The following RELN variants were observed in gnomAD, a reference collection of about 807,000 sequenced individuals.
RELN encodes the protein reelin.
RELN carries 108 observed loss-of-function variants against 427.6 expected under a neutral mutation model. The observed-to-expected ratio is 0.25, with a 90% CI of 0.22 to 0.30. RELN has a LOEUF of 0.30. RELN is among the 10% of genes least tolerant of loss of function. The probability of loss-of-function intolerance (pLI) is 1.00; values close to 1 mark genes in which losing one functional copy is unlikely to be tolerated. For synonymous variants in RELN, 1,524 were observed against 1,513.4 expected, an observed-to-expected ratio of 1.01 and a Z score of -0.16; for missense variants, 3,715 against 4,302.8, an observed-to-expected ratio of 0.86 and a Z score of 3.82.
chr7:103,510,739 C>T, intron 51 of RELN, 112 bp downstream of exon 51: 1 of 866,144 alleles, frequency 1.2e-6, no homozygotes, highest in Non-Finnish European at 1.9e-6. Context: ...GTAAATTTTA[C>T]TTTTCAAAGT....
intron 3 of RELN, among the ~76,000 whole-genome samples, chr7:103,832,554 G>T (rs1188363250): frequency 6.6e-6 from 1 of 152,192 alleles, no homozygotes; most frequent in African/African-American, 2.4e-5. Context: ...GTTTAAAAAT[G>T]CTATGGGTGG....
intron 28 of RELN, among the ~76,000 whole-genome samples, chr7:103,586,057 A>T (rs959572825): frequency 4.6e-5 from 7 of 152,298 alleles, no homozygotes; most frequent in Middle Eastern, 6.8e-3. Context: ...GCATCAAAGC[A>T]ACACACCTCA....
intron 28 of RELN, 52 bp from the exon 29 acceptor site, chr7:103,575,757 G>A (rs772376214): frequency 6.3e-7 from 1 of 1,598,628 alleles, no homozygotes; most frequent in Admixed American, 1.7e-5. Context: ...TCATATCAAA[G>A]CATTGGAATA....
chr7:103,776,546 G>A lies in RELN; in HGVS notation c.544+11C>T. On this transcript the variant is annotated intron_variant, in intron 4 of 64. Transcript: ENST00000428762. The stretch of plus-strand genomic sequence containing the variant: ...TGGACATAACACAAACAAATCAAAT[G>A]TGACGCTTACCTCCTTGTTCACACA... 1.2e-6 allele frequency: 2 copies of A among 1,613,908 alleles called. No individual in the cohort carries two copies. The highest frequency in any genetic ancestry group is 1.7e-6 in the Non-Finnish European group (2 of 1,179,796).
intron 2 of RELN, among the ~76,000 whole-genome samples, chr7:103,866,814 A>C (rs1316288600): frequency 6.6e-6 from 1 of 152,052 alleles, no homozygotes; most frequent in Non-Finnish European, 1.5e-5. Context: ...TTTTCTTTAC[A>C]TCATCCAGTG....
Position 103,886,751 on chromosome 7 carries a change from A to C in RELN, c.337+30324T>G, listed in dbSNP as rs17157010. On this transcript the variant is annotated intron_variant, in intron 2 of 64. Coordinates refer to ENST00000428762, the MANE Select transcript of RELN (RefSeq NM_005045.4). ...AATGAAATGTCATATTTTCCAGCCA[A>C]TGTAAGAATGTATCTCATGGCCAAT... 4.0e-3 allele frequency among the ~76,000 whole-genome samples: 602 copies of C among 152,304 alleles called. 23 individuals carry two copies. The East Asian group carries it at 0.072, about 18-fold the overall frequency.
At chr7:103,757,733 G>A (rs189013881) in intron 4 of RELN, among the ~76,000 whole-genome samples, 1 of 152,146 alleles carries the variant, frequency 6.6e-6, no homozygotes, top group Non-Finnish European at 1.5e-5. Flanking sequence ...CACAGAGGGA[G>A]ATGCACTAGG....
At chr7:103,801,682 A>C (rs1475050649) in intron 3 of RELN, among the ~76,000 whole-genome samples, 1 of 152,048 alleles carries the variant, frequency 6.6e-6, no homozygotes. Flanking sequence ...ATACCTATGT[A>C]ACGAGCCTGC....
At chr7:103,511,948 T>G (rs892160760) in intron 50 of RELN, among the ~76,000 whole-genome samples, 2 of 152,218 alleles carry the variant, frequency 1.3e-5, no homozygotes, top group Admixed American at 1.3e-4. Flanking sequence ...GATCCATCAC[T>G]TCCAAAAATT....
chr7:103,773,418 CCTCG>C (rs1563004895), intron 4 of RELN, among the ~76,000 whole-genome samples: 1 of 58,230 alleles, frequency 1.7e-5, no homozygotes, highest in African/African-American at 9.3e-5. Context: ...TCTCTCTCTC[CCTCG>C]CTCCCTCTCT....
At chr7:103,683,391 AAAG>A (rs1199193277) in intron 10 of RELN, among the ~76,000 whole-genome samples, 2 of 152,224 alleles carry the variant, frequency 1.3e-5, no homozygotes, top group African/African-American at 2.4e-5. Context: ...TATATTTTTA[AAAG>A]AAGATAAATT....
chr7:103,485,177 GT>G (rs1828386591), intron 61 of RELN, among the ~76,000 whole-genome samples: 1 of 131,370 alleles, frequency 7.6e-6, no homozygotes, highest in Non-Finnish European at 1.6e-5. Flanking sequence ...ATATGATGAT[GT>G]TACAGAAAAC....
chr7:103,741,355 C>A (rs1017674876), intron 6 of RELN, among the ~76,000 whole-genome samples: 10 of 151,926 alleles, frequency 6.6e-5, no homozygotes, highest in Admixed American at 4.6e-4. Context: ...CTATTTTCAT[C>A]AATATATATT....
chr7:103,603,319 A>C lies in RELN; in HGVS notation c.3318T>G (p.Ser1106=), dbSNP rs1831722860. ...TTGGTCATACCTTGCTGAAGTACAG[A>C]GATGATCCAGAAGAGATGACACCAC... is the stretch of plus-strand genomic sequence containing the variant. ...QGCGVISSGS[S]LYFSKAGKRQ... The change falls in exon 24 of 65, where the codon TCT becomes TCG. Residue 1106 remains serine, a synonymous_variant. Coordinates refer to ENST00000428762, the MANE Select transcript of RELN (RefSeq NM_005045.4). This position sits in a 1 kb window ranked among gnomAD's most constrained non-coding sequence, Gnocchi z 4.3. 6.2e-7 allele frequency: 1 copy of C among 1,613,744 alleles called. No homozygotes were observed. Among genetic ancestry groups the C allele is most frequent in the African/African-American group, 1.3e-5 (1 of 75,014 alleles).
chr7:103,521,945 A>G, intron 48 of RELN, 77 bp downstream of exon 48: 1 of 1,464,002 alleles, frequency 6.8e-7, no homozygotes, highest in Non-Finnish European at 9.6e-7. Flanking sequence ...TTTGCCCATT[A>G]AACTTCAGAA....
chr7:103,554,239 A>T (rs575252510), intron 38 of RELN, among the ~76,000 whole-genome samples: 1 of 88,628 alleles, frequency 1.1e-5, no homozygotes, highest in African/African-American at 3.9e-5. Context: ...TTTCTGGGGG[A>T]AAAAAAAAAC....
intron 16 of RELN, among the ~76,000 whole-genome samples, chr7:103,648,454 G>A (rs1832842010): frequency 6.6e-6 from 1 of 152,034 alleles, no homozygotes. Context: ...CCAGTCTCAG[G>A]TAGTTCTTTA....
intron 2 of RELN, among the ~76,000 whole-genome samples, chr7:103,835,359 C>T (rs77650558): frequency 0.035 from 5,395 of 152,176 alleles, 93 homozygotes; most frequent in Middle Eastern, 0.078. Flanking sequence ...TGTATGATAC[C>T]GTATGGTGGA....
rs1329277315 is a variant in RELN at position 103,755,587 on chromosome 7, G to T, written c.545-2373C>A. ...CGCGCCACCGCACTCCAGCCTGGGG[G>T]ACAGAGCGAGACTCTGTCTCAAAAA... On this transcript the variant is annotated intron_variant, in intron 4 of 64. Transcript: ENST00000428762. Among the ~76,000 whole-genome samples, 3 of 147,372 alleles carry T rather than the reference G, an allele frequency of 2.0e-5. No individual in the cohort carries two copies. The East Asian group carries it at 6.0e-4, about 30-fold the overall frequency.
Sources: gnomAD v4.1 joint callset for allele counts (sites outside exome capture counted in the v4.1 genomes callset) on GRCh38, gnomAD v4.1.1 for gene constraint, Gnocchi (gnomAD v3.1) non-coding constraint, MANE v1.5 for transcripts, NCBI Gene and HGNC (gene_info 2026-07-23, HGNC 2026-07-21) for gene names.